ANK2: variants seen among roughly 807,000 people sequenced by gnomAD.
ANK2 encodes ankyrin-2.
ANK2 carries 83 observed loss-of-function variants against 360.5 expected under a neutral mutation model. The ratio of observed to expected loss-of-function variants is 0.23; its 90% confidence interval spans 0.19 to 0.28. The LOEUF is 0.28. ANK2 is among the 10% of genes least tolerant of loss of function. ANK2 has a pLI of 1.00. For missense variants in ANK2, 4,201 were observed against 4,795.7 expected (o/e 0.88, Z 3.66); for synonymous variants, 1,740 against 1,759.5 (o/e 0.99, Z 0.28).
chr4:113,120,749 G>C (rs2095299651), intron 1 of ANK2, among the ~76,000 whole-genome samples: 1 of 152,004 alleles, frequency 6.6e-6, no homozygotes, highest in Admixed American at 6.6e-5. Context: ...TCCTGATCCT[G>C]TCCCTCCTCC....
intron 1 of ANK2, among the ~76,000 whole-genome samples, chr4:112,848,401 A>T: frequency 6.6e-6 from 1 of 152,172 alleles, no homozygotes; most frequent in Non-Finnish European, 1.5e-5. Context: ...ACCTCAGGTG[A>T]TCCACCTGCC....
At chr4:113,126,154 A>G (rs2095647497) in intron 1 of ANK2, among the ~76,000 whole-genome samples, 1 of 152,176 alleles carries the variant, frequency 6.6e-6, no homozygotes, top group Non-Finnish European at 1.5e-5. Flanking sequence ...TCTTTTAGGT[A>G]CTCTGTACAC....
intron 2 of ANK2, among the ~76,000 whole-genome samples, chr4:112,933,776 A>G (rs2154239887): frequency 1.3e-5 from 2 of 152,350 alleles, no homozygotes; most frequent in African/African-American, 4.8e-5. Flanking sequence ...CTGAGATTAC[A>G]GGCATGAGTC....
intron 12 of ANK2, 45 bp from the exon 13 acceptor site, chr4:113,258,268 C>G (rs1467548498): frequency 1.9e-6 from 3 of 1,599,928 alleles, no homozygotes; most frequent in Admixed American, 3.3e-5. Flanking sequence ...GCCCCAAAGC[C>G]CCACCGGTGC....
At chr4:113,017,023 A>G (rs1403882320) in intron 2 of ANK2, among the ~76,000 whole-genome samples, 1 of 152,210 alleles carries the variant, frequency 6.6e-6, no homozygotes. Flanking sequence ...TTTATGCAGT[A>G]TACACTTAGA....
intron 1 of ANK2, among the ~76,000 whole-genome samples, chr4:113,163,679 G>C (rs970197241): frequency 1.2e-4 from 18 of 147,134 alleles, no homozygotes; most frequent in Middle Eastern, 7.2e-3. Flanking sequence ...CAGGAGAATC[G>C]CTTGAACCTG....
intron 1 of ANK2, among the ~76,000 whole-genome samples, chr4:112,823,662 G>A (rs1226757302): frequency 1.3e-5 from 2 of 151,748 alleles, no homozygotes; most frequent in East Asian, 1.9e-4. Flanking sequence ...GCCTTTAACC[G>A]ATTCCATTTA....
intron 1 of ANK2, among the ~76,000 whole-genome samples, chr4:112,835,422 T>C (rs1175417128): frequency 6.6e-6 from 1 of 152,172 alleles, no homozygotes; most frequent in African/African-American, 2.4e-5. Context: ...TATTTTCTCA[T>C]ATACTTATGC....
chr4:113,284,956 A>G (rs967641259), intron 18 of ANK2, among the ~76,000 whole-genome samples: 1 of 152,132 alleles, frequency 6.6e-6, no homozygotes, highest in Non-Finnish European at 1.5e-5. Context: ...ATAGTCTCCA[A>G]ATGATTATTT....
At chr4:113,317,449 T>C (rs2083487780) in intron 24 of ANK2, 3 of 487,830 alleles carry the variant, frequency 6.1e-6, no homozygotes, top group Non-Finnish European at 1.1e-5. Flanking sequence ...GGGAAGAAAA[T>C]GAATCAGATT....
intron 1 of ANK2, among the ~76,000 whole-genome samples, chr4:113,083,790 G>A (rs777056346): frequency 6.6e-6 from 1 of 152,028 alleles, no homozygotes; most frequent in Non-Finnish European, 1.5e-5. Context: ...TTATATATCT[G>A]GTATTTTGAA....
At chr4:113,360,700 T>A (rs937718267) in intron 38 of ANK2, 123 bp from the exon 39 acceptor site, 2 of 804,088 alleles carry the variant, frequency 2.5e-6, no homozygotes, top group African/African-American at 3.4e-5. Context: ...ATCTGAAATG[T>A]AGTATCTAGT....
chr4:113,374,528 CT>C (rs200079406), intron 45 of ANK2, among the ~76,000 whole-genome samples: 1,553 of 152,250 alleles, frequency 0.01, 20 homozygotes, highest in African/African-American at 0.029. Context: ...AAACTGATAA[CT>C]TTTTGTTCAA....
At chr4:113,025,528 C>A (rs1463036019) in intron 2 of ANK2, among the ~76,000 whole-genome samples, 1 of 152,134 alleles carries the variant, frequency 6.6e-6, no homozygotes, top group Non-Finnish European at 1.5e-5. Flanking sequence ...CATAATGTTC[C>A]TTCTATTCAA....
At chr4:113,071,065 T>G (rs2077371481) in intron 1 of ANK2, among the ~76,000 whole-genome samples, 1 of 152,164 alleles carries the variant, frequency 6.6e-6, no homozygotes, top group African/African-American at 2.4e-5. Context: ...GATAAAGCCC[T>G]AAGAATAAGT....
intron 37 of ANK2, among the ~76,000 whole-genome samples, chr4:113,351,789 T>C (rs898334950): frequency 1.3e-5 from 2 of 152,204 alleles, no homozygotes; most frequent in Admixed American, 1.3e-4. Flanking sequence ...TTTCTAGGTG[T>C]TTTGAGTGTT....
the ANK2 span, among the ~76,000 whole-genome samples, chr4:112,737,922 A>G: frequency 1.4e-4 from 22 of 152,352 alleles, no homozygotes; most frequent in African/African-American, 5.1e-4. Flanking sequence ...AAGAGATGGC[A>G]GTAAAGGATG....
At position 112,847,006 on chromosome 4, in the gene ANK2, C is replaced by T. The variant is rs77006172; in HGVS notation, c.-40+28742C>T. On this transcript the variant is annotated intron_variant, in intron 1 of 30. Coordinates refer to the ANK2 transcript ENST00000503271. The stretch of plus-strand genomic sequence containing the variant: ...CACAACAGTTGTGCTGAAATTACAT[C>T]GATGAGGATATAGTCACATGGCCAT... Among the ~76,000 whole-genome samples, 38 of 152,228 alleles carry T rather than the reference C, an allele frequency of 2.5e-4. No individual in the cohort carries two copies. In the East Asian group the frequency reaches 7.3e-3, roughly 29 times the overall value.
chr4:113,094,396 T>A (rs1199589358), intron 1 of ANK2, among the ~76,000 whole-genome samples: 2 of 152,198 alleles, frequency 1.3e-5, no homozygotes, highest in Non-Finnish European at 2.9e-5. Flanking sequence ...AAAGGAACCA[T>A]GTTCTTAAAT....
Sources: allele counts gnomAD v4.1 joint callset (sites outside exome capture counted in the v4.1 genomes callset), GRCh38; gene constraint gnomAD v4.1.1; transcripts MANE v1.5; gene names NCBI Gene and HGNC (gene_info 2026-07-23, HGNC 2026-07-21).